DDX10: variants seen among roughly 807,000 people sequenced by gnomAD.
DDX10 encodes the protein probable ATP-dependent RNA helicase DDX10.
In DDX10, 74 loss-of-function variants were observed where a neutral mutation model predicts 104.3. The ratio of observed to expected loss-of-function variants is 0.71; its 90% confidence interval spans 0.59 to 0.86. The LOEUF is 0.86. Ranked by LOEUF, DDX10 falls within the 40% of genes least tolerant of loss-of-function variation. The pLI is 0.00. For synonymous variants in DDX10, 351 were observed against 353.4 expected (o/e 0.99, Z 0.08); for missense variants, 952 against 1,040.0 (o/e 0.92, Z 1.16).
At chr11:108,689,165 A>G in intron 7 of DDX10, 103 bp downstream of exon 7, 3 of 1,189,104 alleles carry the variant, frequency 2.5e-6, no homozygotes, top group Non-Finnish European at 2.4e-6. Flanking sequence ...GTACAGTGCT[A>G]GGTGTGGTGA....
intron 13 of DDX10, among the ~76,000 whole-genome samples, chr11:108,763,944 A>G (rs900278101): frequency 6.6e-6 from 1 of 152,216 alleles, no homozygotes; most frequent in African/African-American, 2.4e-5. Flanking sequence ...CAGATTGACA[A>G]AGGTTAACAA....
At chr11:108,682,193 C>T (rs1167948526) in intron 6 of DDX10, among the ~76,000 whole-genome samples, 1 of 152,218 alleles carries the variant, frequency 6.6e-6, no homozygotes, top group South Asian at 2.1e-4. Flanking sequence ...CAGCCTCTGC[C>T]TCCCGGGTTC....
intron 9 of DDX10, among the ~76,000 whole-genome samples, chr11:108,701,944 A>G (rs2094268851): frequency 6.6e-6 from 1 of 152,118 alleles, no homozygotes. Context: ...CCTGGATCCC[A>G]AAGTGCTGGG....
rs188412255 is a variant in DDX10, at chr11:108,841,475, G to A, written c.2246G>A (p.Arg749Gln). 2.4e-5 allele frequency: 39 copies of A among 1,613,112 alleles called. No homozygotes were observed. The highest frequency in any genetic ancestry group is 3.3e-4 in the Middle Eastern group (2 of 6,048). Residue 749 changes from arginine (R) to glutamine (Q), a missense_variant and splice_region_variant, in exon 15 of 18, where the codon CGG becomes CAG. Physicochemically the swap from Arg to Gln is conservative, Grantham distance 43. Transcript: ENST00000322536. ...EYRKKIKAKH[R>Q]EKRLKEREAR... ...AGGAAAAAAATTAAGGCAAAGCATCGGGTAAGCTTTCCATCTTGAATTCAT... is the reference window on the plus strand; with the variant it reads ...AGGAAAAAAATTAAGGCAAAGCATCAGGTAAGCTTTCCATCTTGAATTCAT...
chr11:108,855,149 A>T (rs1452402137), intron 16 of DDX10, among the ~76,000 whole-genome samples: 1 of 152,224 alleles, frequency 6.6e-6, no homozygotes, highest in African/African-American at 2.4e-5. Flanking sequence ...TTAGCTAACA[A>T]GATGTCGTAT....
At chr11:108,776,057 G>T (rs1248066843) in intron 13 of DDX10, among the ~76,000 whole-genome samples, 1 of 152,070 alleles carries the variant, frequency 6.6e-6, no homozygotes, top group Non-Finnish European at 1.5e-5. Context: ...ACTTGTATAT[G>T]GACATTTGGG....
chr11:108,841,224 C>A, intron 14 of DDX10, 91 bp from the exon 15 acceptor site: 1 of 1,092,950 alleles, frequency 9.1e-7, no homozygotes, highest in Non-Finnish European at 1.3e-6. Context: ...AAATGGGTAT[C>A]TGCACCTTTT....
At chr11:108,909,764 G>T (rs1863643939) in intron 16 of DDX10, among the ~76,000 whole-genome samples, 1 of 152,014 alleles carries the variant, frequency 6.6e-6, no homozygotes, top group African/African-American at 2.4e-5. Flanking sequence ...TTGTATTGTT[G>T]GGCACCTGTT....
rs2094349915 is a variant in DDX10, at chr11:108,760,803, T to C, written c.1965+37341T>C. Among the ~76,000 whole-genome samples, 4 of 151,764 alleles carry C rather than the reference T, an allele frequency of 2.6e-5. No homozygotes were observed. In the South Asian group the frequency reaches 8.3e-4, roughly 31 times the overall value. ...GAAGTAAAAGCCTAGAGTTTAGAAA[T>C]GGGAAAATTGTTTATGCTGTTCTCA... On this transcript the variant is annotated intron_variant, in intron 13 of 17. Transcript: ENST00000322536.
At chr11:108,700,279 T>C (rs1265606039) in intron 9 of DDX10, among the ~76,000 whole-genome samples, 1 of 152,186 alleles carries the variant, frequency 6.6e-6, no homozygotes, top group Admixed American at 6.5e-5. Flanking sequence ...ATTTAGCCCA[T>C]AGAACAACTC....
At chr11:108,669,529 G>A (rs1029658061) in intron 1 of DDX10, among the ~76,000 whole-genome samples, 38 of 152,216 alleles carry the variant, frequency 2.5e-4, no homozygotes, top group Non-Finnish European at 2.9e-5. Flanking sequence ...TCCTTGGAGT[G>A]TTGGATGCAT....
At chr11:108,766,941 A>G (rs984169932) in intron 13 of DDX10, among the ~76,000 whole-genome samples, 1 of 152,154 alleles carries the variant, frequency 6.6e-6, no homozygotes, top group Non-Finnish European at 1.5e-5. Flanking sequence ...AGTATGGAAA[A>G]CTTAATTATT....
Position 108,807,548 on chromosome 11 carries a change from C to T in DDX10, c.1966-30898C>T, listed in dbSNP as rs576582899. Among the ~76,000 whole-genome samples, 11 of 152,214 alleles carry T rather than the reference C, an allele frequency of 7.2e-5. No individual in the cohort carries two copies. In the South Asian group the frequency reaches 2.3e-3, roughly 32 times the overall value. On this transcript the variant is annotated intron_variant, in intron 13 of 17. Coordinates refer to ENST00000322536, the MANE Select transcript of DDX10 (RefSeq NM_004398.4). ...TTGACTAGATGTGGTGACAATGCCT[C>T]ACGTGTGATAGATGTCTAATAAATA... is the stretch of plus-strand genomic sequence containing the variant.
rs1254204780 is a variant in DDX10 at position 108,688,128 on chromosome 11, A to G, written c.849-808A>G. The stretch of plus-strand genomic sequence containing the variant: ...TCATACTGCAAGTCCCTACTGATGG[A>G]CATTTGGGTTGATTTTCATCATTTT... On this transcript the variant is annotated intron_variant, in intron 6 of 17. Transcript: ENST00000322536. Among the ~76,000 whole-genome samples, 2 of 152,168 alleles carry G rather than the reference A, an allele frequency of 1.3e-5. 1 individual carries two copies. The highest frequency in any genetic ancestry group is 1.3e-4 in the Admixed American group (2 of 15,282).
At chr11:108,744,426 A>C (rs1403933834) in intron 13 of DDX10, among the ~76,000 whole-genome samples, 1 of 152,136 alleles carries the variant, frequency 6.6e-6, no homozygotes, top group African/African-American at 2.4e-5. Context: ...AAAAACAACA[A>C]TCCACAGCCA....
chr11:108,738,172 A>G (rs546197293), intron 13 of DDX10, among the ~76,000 whole-genome samples: 1 of 150,036 alleles, frequency 6.7e-6, no homozygotes, highest in African/African-American at 2.4e-5. Context: ...ATAAAATAGG[A>G]TTTTGCAAAT....
intron 16 of DDX10, among the ~76,000 whole-genome samples, chr11:108,903,555 A>G (rs964357301): frequency 8.5e-5 from 13 of 152,306 alleles, no homozygotes; most frequent in African/African-American, 3.1e-4. Context: ...CAGTGTAAGA[A>G]CTGTTTACAT....
intron 13 of DDX10, among the ~76,000 whole-genome samples, chr11:108,728,879 A>G (rs1323093718): frequency 1.3e-5 from 2 of 152,158 alleles, no homozygotes; most frequent in Non-Finnish European, 2.9e-5. Context: ...CCATGTCATT[A>G]AAGTGTCTTC....
At chr11:108,898,986 C>T (rs950698709) in intron 16 of DDX10, among the ~76,000 whole-genome samples, 2 of 152,182 alleles carry the variant, frequency 1.3e-5, no homozygotes, top group Non-Finnish European at 2.9e-5. Context: ...AAAATATGAA[C>T]TGTGTGTGTT....
Sources: gnomAD v4.1 joint callset for allele counts (sites outside exome capture counted in the v4.1 genomes callset) on GRCh38, gnomAD v4.1.1 for gene constraint, MANE v1.5 for transcripts, NCBI Gene and HGNC (gene_info 2026-07-23, HGNC 2026-07-21) for gene names.